CDH9: variants seen among roughly 807,000 people sequenced by gnomAD.
CDH9 encodes the protein cadherin 9.
CDH9 carries 28 observed loss-of-function variants against 70.9 expected under a neutral mutation model. That is an observed-to-expected ratio of 0.40 (90% CI 0.29 to 0.54). The LOEUF is 0.54. CDH9 is among the 20% of genes least tolerant of loss of function. The pLI, the probability that CDH9 is intolerant of heterozygous loss-of-function variation, is 0.59. For synonymous variants in CDH9, 409 were observed against 343.1 expected (o/e 1.19, Z -2.12); for missense variants, 874 against 984.4 (o/e 0.89, Z 1.50).
intron 2 of CDH9, among the ~76,000 whole-genome samples, chr5:26,929,223 C>T (rs1449635227): frequency 1.3e-5 from 2 of 151,980 alleles, no homozygotes; most frequent in South Asian, 2.1e-4. Context: ...AAATGGCAAA[C>T]ACGTATATGA....
At chr5:26,923,400 C>A (rs944538053) in intron 2 of CDH9, among the ~76,000 whole-genome samples, 5 of 151,800 alleles carry the variant, frequency 3.3e-5, no homozygotes, top group Admixed American at 2.6e-4. Context: ...ATATATAAAA[C>A]CTTAGCACAC....
At chr5:26,907,228 C>T (rs1443146634) in intron 3 of CDH9, among the ~76,000 whole-genome samples, 1 of 151,996 alleles carries the variant, frequency 6.6e-6, no homozygotes, top group Non-Finnish European at 1.5e-5. Context: ...ATAAATCTAA[C>T]ATTTTTTAAC....
intron 1 of CDH9, among the ~76,000 whole-genome samples, chr5:27,000,597 A>G (rs575433600): frequency 6.6e-6 from 1 of 152,152 alleles, no homozygotes; most frequent in Non-Finnish European, 1.5e-5. Flanking sequence ...ACCACATAAC[A>G]TGGGAATCAC....
At chr5:26,886,978 T>C (rs1157411320) in intron 9 of CDH9, among the ~76,000 whole-genome samples, 3 of 152,206 alleles carry the variant, frequency 2.0e-5, no homozygotes, top group Admixed American at 6.6e-5. Flanking sequence ...TCTAACATTG[T>C]GTGGTGAAAA....
At chr5:27,002,224 C>T (rs1263127551) in intron 1 of CDH9, among the ~76,000 whole-genome samples, 1 of 152,086 alleles carries the variant, frequency 6.6e-6, no homozygotes, top group Non-Finnish European at 1.5e-5. Context: ...CAATGAGATG[C>T]CATCTCACAC....
intron 1 of CDH9, among the ~76,000 whole-genome samples, chr5:26,997,150 C>A (rs1742679903): frequency 6.6e-6 from 1 of 151,974 alleles, no homozygotes; most frequent in Non-Finnish European, 1.5e-5. Context: ...GACTTAGAAA[C>A]AACCCATTGC....
chr5:26,906,427 A>T (rs576995086), intron 4 of CDH9, among the ~76,000 whole-genome samples: 2 of 152,298 alleles, frequency 1.3e-5, no homozygotes, highest in South Asian at 2.1e-4. Context: ...TAATTGTCAT[A>T]TTCAAGTTTT....
intron 9 of CDH9, among the ~76,000 whole-genome samples, chr5:26,889,545 AT>A (rs1740619587): frequency 6.6e-6 from 1 of 152,150 alleles, no homozygotes; most frequent in Admixed American, 6.6e-5. Flanking sequence ...CATAAGCATA[AT>A]TATGAATGCA....
chr5:26,908,899 A>G (rs1046924146), intron 3 of CDH9, among the ~76,000 whole-genome samples: 2 of 152,182 alleles, frequency 1.3e-5, no homozygotes, highest in Admixed American at 6.5e-5. Context: ...GGGAATAAAG[A>G]GTTGTAGTTT....
intron 1 of CDH9, among the ~76,000 whole-genome samples, chr5:26,999,245 AT>A (rs1246300053): frequency 2.0e-5 from 3 of 152,060 alleles, no homozygotes; most frequent in South Asian, 4.1e-4. Flanking sequence ...CTAAAAAAAA[AT>A]AAAAATAAAT....
chr5:27,034,319 T>C (rs1408967584), intron 1 of CDH9, among the ~76,000 whole-genome samples: 1 of 151,682 alleles, frequency 6.6e-6, no homozygotes. Flanking sequence ...GTTGGCTTTT[T>C]AATCCATATT....
intron 9 of CDH9, among the ~76,000 whole-genome samples, chr5:26,887,731 G>T (rs1030742754): frequency 6.6e-6 from 1 of 152,104 alleles, no homozygotes; most frequent in Non-Finnish European, 1.5e-5. Context: ...AATTAAGGAG[G>T]ACTCTAATTC....
intron 2 of CDH9, among the ~76,000 whole-genome samples, chr5:26,968,354 C>T (rs995644385): frequency 6.6e-6 from 1 of 151,862 alleles, no homozygotes; most frequent in African/African-American, 2.4e-5. Context: ...GGCGCAATCT[C>T]GGCTCACTGC....
At chr5:26,991,396 G>T (rs1742577168) in intron 1 of CDH9, among the ~76,000 whole-genome samples, 1 of 152,218 alleles carries the variant, frequency 6.6e-6, no homozygotes, top group Non-Finnish European at 1.5e-5. Context: ...CAAGTTTACA[G>T]ACATCTGTAA....
intron 1 of CDH9, among the ~76,000 whole-genome samples, chr5:27,030,334 T>C (rs1743290595): frequency 7.8e-6 from 1 of 128,798 alleles, no homozygotes; most frequent in African/African-American, 2.9e-5. Flanking sequence ...GAGTTTCTGA[T>C]GTTGAAAAAG....
At chr5:26,979,703 G>A (rs1410114271) in intron 2 of CDH9, among the ~76,000 whole-genome samples, 1 of 151,768 alleles carries the variant, frequency 6.6e-6, no homozygotes, top group Non-Finnish European at 1.5e-5. Flanking sequence ...AATGATAAAA[G>A]ATAAACCACA....
chr5:26,998,763 A>C (rs1281994920), intron 1 of CDH9, among the ~76,000 whole-genome samples: 1 of 152,106 alleles, frequency 6.6e-6, no homozygotes, highest in Non-Finnish European at 1.5e-5. Context: ...AGGAAAAGAA[A>C]GTTTTATAAG....
intron 1 of CDH9, among the ~76,000 whole-genome samples, chr5:26,991,593 G>C (rs1486878010): frequency 1.3e-5 from 2 of 152,200 alleles, no homozygotes; most frequent in South Asian, 2.1e-4. Context: ...ATTTTTAACT[G>C]ATCAATTGCC....
intron 1 of CDH9, among the ~76,000 whole-genome samples, chr5:26,998,266 T>G (rs1343252339): frequency 6.6e-6 from 1 of 152,090 alleles, no homozygotes; most frequent in Non-Finnish European, 1.5e-5. Context: ...ATTCTGTAGG[T>G]TGCCTATTCA....
Sources: allele counts gnomAD v4.1 joint callset (sites outside exome capture counted in the v4.1 genomes callset), GRCh38; gene constraint gnomAD v4.1.1; transcripts MANE v1.5; gene names NCBI Gene and HGNC (gene_info 2026-07-23, HGNC 2026-07-21).